Variants in NIBAN1 observed in about 807,000 individuals in gnomAD.
NIBAN1 encodes the protein niban apoptosis regulator 1.
Under a neutral mutation model 75.1 loss-of-function variants are expected in NIBAN1, and 81 were observed. That is an observed-to-expected ratio of 1.08 (90% CI 0.90 to 1.30). The LOEUF (loss-of-function observed/expected upper bound fraction) is 1.30, where lower values mean the gene tolerates loss of function less well. NIBAN1 is among the 50% of genes most tolerant of loss of function. NIBAN1 has a pLI of 0.00. For synonymous variants in NIBAN1, 436 were observed against 424.8 expected (o/e 1.03, Z -0.32); for missense variants, 1,133 against 1,128.1 (o/e 1.00, Z -0.06).
chr1:184,941,989 C>T (rs1366098021), intron 1 of NIBAN1, among the ~76,000 whole-genome samples: 1 of 152,206 alleles, frequency 6.6e-6, no homozygotes, highest in Non-Finnish European at 1.5e-5. Flanking sequence ...CTTGACTCAA[C>T]TTCCCATACC....
At chr1:184,939,632 C>T (rs1161716118) in intron 1 of NIBAN1, among the ~76,000 whole-genome samples, 1 of 152,172 alleles carries the variant, frequency 6.6e-6, no homozygotes, top group Admixed American at 6.5e-5. Flanking sequence ...TAAGTCTCTG[C>T]TTTGCCACTT....
chr1:184,970,337 C>A (rs1194113400), intron 1 of NIBAN1, among the ~76,000 whole-genome samples: 1 of 152,046 alleles, frequency 6.6e-6, no homozygotes, highest in African/African-American at 2.4e-5. Flanking sequence ...TAAGTCAGAC[C>A]AGTTCTTATG....
Position 184,833,479 on chromosome 1 carries a change from TG to T in NIBAN1, c.602-1518del, listed in dbSNP as rs573892254. On this transcript the variant is annotated intron_variant, in intron 5 of 13. Transcript: ENST00000367511. The stretch of plus-strand genomic sequence containing the variant: ...TTCCAACACTTTGGGAGGCCAAGGA[TG>T]GAGGATCACTTGATGATAGGAGTTC... 1.1e-3 allele frequency among the ~76,000 whole-genome samples: 173 copies of T among 151,842 alleles called. 1 individual carries two copies. Among genetic ancestry groups the T allele is most frequent in the Non-Finnish European group, 2.1e-3 (144 of 67,940 alleles).
intron 5 of NIBAN1, among the ~76,000 whole-genome samples, chr1:184,879,831 C>T (rs1656331535): frequency 1.3e-5 from 2 of 152,200 alleles, no homozygotes; most frequent in South Asian, 2.1e-4. Context: ...TTCCACCTGA[C>T]TCACTCCATA....
At chr1:184,797,535 G>A (rs1653911341) in intron 13 of NIBAN1, among the ~76,000 whole-genome samples, 1 of 151,950 alleles carries the variant, frequency 6.6e-6, no homozygotes, top group Non-Finnish European at 1.5e-5. Context: ...GAGTCCCACC[G>A]AGACTTGCGT....
At chr1:184,945,101 C>T (rs772078814) in intron 1 of NIBAN1, among the ~76,000 whole-genome samples, 4 of 152,168 alleles carry the variant, frequency 2.6e-5, no homozygotes, top group African/African-American at 7.2e-5. Flanking sequence ...CACAGAGGCA[C>T]GAAACAGTTA....
chr1:184,892,259 C>G (rs112999977), intron 3 of NIBAN1, among the ~76,000 whole-genome samples: 1 of 152,324 alleles, frequency 6.6e-6, no homozygotes, highest in African/African-American at 2.4e-5. Flanking sequence ...ACTTACTCCT[C>G]TCAACACCAT....
chr1:184,896,549 A>G (rs1656805927), intron 2 of NIBAN1, among the ~76,000 whole-genome samples: 1 of 152,132 alleles, frequency 6.6e-6, no homozygotes, highest in Non-Finnish European at 1.5e-5. Context: ...TAGCATAACT[A>G]AGTCCCATTT....
Position 184,899,185 on chromosome 1 carries a change from C to G in NIBAN1, c.180G>C (p.Lys60Asn), listed in dbSNP as rs1443797384. The G allele has an allele frequency of 1.2e-6, 2 of 1,613,626 alleles. No individual in the cohort carries two copies. Among genetic ancestry groups the G allele is most frequent in the Non-Finnish European group, 1.7e-6 (2 of 1,179,756 alleles). ...CCAAATATCCATGGCTTACCTTGGT[C>G]TTCAAAAACTGTGACGTTAAATCTC... is the stretch of plus-strand genomic sequence containing the variant. Reference protein sequence around the residue: ...QQRDLTSQFLKTKPPLAPGTI... With the variant: ...QQRDLTSQFLNTKPPLAPGTI... Residue 60 changes from lysine (K) to asparagine (N), a missense_variant, in exon 2 of 14, where the codon AAG (lysine) becomes AAC (asparagine). By Grantham distance (94) the Lys-to-Asn change is moderately conservative. Transcript: ENST00000367511.
At chr1:184,939,615 C>T (rs1276769080) in intron 1 of NIBAN1, among the ~76,000 whole-genome samples, 1 of 152,158 alleles carries the variant, frequency 6.6e-6, no homozygotes, top group African/African-American at 2.4e-5. Context: ...CCTGGATTGC[C>T]TGGTTTTAAG....
chr1:184,817,559 G>A (rs1478955814), intron 9 of NIBAN1, among the ~76,000 whole-genome samples: 3 of 152,166 alleles, frequency 2.0e-5, no homozygotes, highest in African/African-American at 7.2e-5. Flanking sequence ...TTTAATGATT[G>A]CCATTCTAAC....
intron 5 of NIBAN1, among the ~76,000 whole-genome samples, chr1:184,865,320 G>A (rs1169900950): frequency 6.6e-6 from 1 of 152,220 alleles, no homozygotes; most frequent in East Asian, 1.9e-4. Context: ...GCAACATGGA[G>A]GAAGCTGAAG....
At position 184,914,871 on chromosome 1, in the gene NIBAN1, C is replaced by T. The variant is rs544093039; in HGVS notation, c.56-15562G>A. 2.5e-4 allele frequency among the ~76,000 whole-genome samples: 38 copies of T among 152,100 alleles called. No homozygotes were observed. In the East Asian group the frequency reaches 2.9e-3, roughly 12 times the overall value. On this transcript the variant is annotated intron_variant, in intron 1 of 13. Transcript: ENST00000367511. ...CTGAGTAGTTGGGACTACAGGCACC[C>T]GCCACCATGCCCAGCTAATTTTTTG...
intron 1 of NIBAN1, among the ~76,000 whole-genome samples, chr1:184,954,365 C>A (rs1277727380): frequency 6.6e-6 from 1 of 152,192 alleles, no homozygotes; most frequent in Non-Finnish European, 1.5e-5. Context: ...ATGTGAAATA[C>A]TAGGTTTTCA....
intron 2 of NIBAN1, among the ~76,000 whole-genome samples, chr1:184,896,234 T>C (rs1174643661): frequency 1.3e-5 from 2 of 152,254 alleles, no homozygotes; most frequent in African/African-American, 4.8e-5. Context: ...TTTTTGACTT[T>C]TTAATGACAT....
chr1:184,933,167 A>G (rs545031466), intron 1 of NIBAN1, among the ~76,000 whole-genome samples: 2 of 152,354 alleles, frequency 1.3e-5, no homozygotes, highest in African/African-American at 4.8e-5. Flanking sequence ...CCATTCTGAC[A>G]GCATGACCTA....
chr1:184,892,781 AT>A (rs1000739836), intron 3 of NIBAN1, among the ~76,000 whole-genome samples: 22 of 151,212 alleles, frequency 1.5e-4, no homozygotes, highest in Non-Finnish European at 2.5e-4. Context: ...CTCTTTTTTT[AT>A]TTTTTTTGAG....
chr1:184,839,553 G>C (rs1328788944), intron 5 of NIBAN1, among the ~76,000 whole-genome samples: 2 of 150,470 alleles, frequency 1.3e-5, no homozygotes, highest in Non-Finnish European at 1.5e-5. Flanking sequence ...TCCTGTGTGT[G>C]TGTGTGTGTG....
At chr1:184,819,037 C>T (rs1404507184) in intron 8 of NIBAN1, among the ~76,000 whole-genome samples, 2 of 152,088 alleles carry the variant, frequency 1.3e-5, no homozygotes, top group South Asian at 2.1e-4. Context: ...CCAAACCTAT[C>T]CACTCCCCAA....
Sources: allele counts gnomAD v4.1 joint callset (sites outside exome capture counted in the v4.1 genomes callset), GRCh38; gene constraint gnomAD v4.1.1; transcripts MANE v1.5; gene names NCBI Gene and HGNC (gene_info 2026-07-23, HGNC 2026-07-21).